FRMD3: variants seen among roughly 807,000 people sequenced by gnomAD.
The protein encoded by FRMD3 is FERM domain-containing protein 3.
In FRMD3, 33 loss-of-function variants were observed where a neutral mutation model predicts 70.2. The ratio of observed to expected loss-of-function variants is 0.47; its 90% CI spans 0.36 to 0.63. The LOEUF is 0.63. Ranked by LOEUF, FRMD3 falls within the 20% of genes least tolerant of loss-of-function variation. FRMD3 has a pLI of 0.00. For synonymous variants in FRMD3, 279 were observed against 255.9 expected (o/e 1.09, Z -0.86); for missense variants, 632 against 711.4 (o/e 0.89, Z 1.27).
chr9:83,244,959 G>A lies in FRMD3; in HGVS notation c.*2959C>T, dbSNP rs1255854796. 2 of 982,442 alleles carry A rather than the reference G, an allele frequency of 2.0e-6. No homozygotes were observed. The highest frequency in any genetic ancestry group is 2.4e-6 in the Non-Finnish European group (2 of 827,288). The allele number at this position is 982,442 out of a possible 1,614,324, so 60.9% of individuals were successfully genotyped here. ...TAAAGGCAATATTGTGTGTGTATAT[G>A]TATTTGCCATATGTGTGTGTGTATT... On this transcript the variant is annotated 3_prime_UTR_variant, in exon 14 of 14. Transcript: ENST00000304195.
chr9:83,496,478 A>G (rs1828945553), intron 1 of FRMD3, among the ~76,000 whole-genome samples: 1 of 152,220 alleles, frequency 6.6e-6, no homozygotes, highest in African/African-American at 2.4e-5. Flanking sequence ...GTTTTAAAAA[A>G]TCACCAAGGA....
At position 83,290,792 on chromosome 9, in the gene FRMD3, C is replaced by T. The variant is rs535444393; in HGVS notation, c.1071-65G>A. 1.3e-5 allele frequency: 20 copies of T among 1,529,286 alleles called. No homozygotes were observed. The East Asian group carries it at 2.5e-4, about 19-fold the overall frequency. The allele number at this position is 1,529,286 out of a possible 1,614,324, so 94.7% of individuals were successfully genotyped here. A position where few individuals can be genotyped will look rare whatever the true frequency, so the allele number is the denominator to read the frequency against. ...ACAAATGCTGGCCCCTCCATCTCAG[C>T]GGGCTGCCCAAGCTACCATTTTGTG... On this transcript the variant is annotated intron_variant, in intron 12 of 13. Coordinates refer to ENST00000304195, the MANE Select transcript of FRMD3 (RefSeq NM_174938.6).
At chr9:83,551,522 A>AT in the FRMD3 span, among the ~76,000 whole-genome samples, 12 of 152,172 alleles carry the variant, frequency 7.9e-5, 1 homozygote, top group South Asian at 2.5e-3. Flanking sequence ...CTCCTCCTCA[A>AT]TTTTTTGGAA....
chr9:83,428,467 G>A (rs1008768014), intron 1 of FRMD3, among the ~76,000 whole-genome samples: 2 of 151,714 alleles, frequency 1.3e-5, no homozygotes, highest in Non-Finnish European at 2.9e-5. Flanking sequence ...AGAATGGAAG[G>A]ATACTTCCAT....
intron 13 of FRMD3, among the ~76,000 whole-genome samples, chr9:83,265,395 T>TAAAAAA: frequency 1.3e-5 from 1 of 77,418 alleles, no homozygotes; most frequent in Non-Finnish European, 2.5e-5. Context: ...GCGAGACTCT[T>TAAAAAA]AAAAAAAAAA....
intron 1 of FRMD3, among the ~76,000 whole-genome samples, chr9:83,404,228 T>G (rs1246479944): frequency 6.6e-6 from 1 of 152,218 alleles, no homozygotes; most frequent in Non-Finnish European, 1.5e-5. Flanking sequence ...TTGGTTATAT[T>G]TACATCTCTT....
At chr9:83,534,416 A>C (rs1829849477) in intron 1 of FRMD3, among the ~76,000 whole-genome samples, 1 of 152,216 alleles carries the variant, frequency 6.6e-6, no homozygotes, top group African/African-American at 2.4e-5. Flanking sequence ...GATTTGGAAA[A>C]GGATTATTTA....
chr9:83,478,502 A>G (rs1204625959), intron 1 of FRMD3, among the ~76,000 whole-genome samples: 1 of 152,146 alleles, frequency 6.6e-6, no homozygotes, highest in Non-Finnish European at 1.5e-5. Flanking sequence ...CAACAGCCAA[A>G]AACTACAAGT....
chr9:83,267,040 G>C (rs1020077417), intron 13 of FRMD3: 56 of 1,550,862 alleles, frequency 3.6e-5, no homozygotes, highest in Admixed American at 5.9e-5. Flanking sequence ...CCTTGGAGCC[G>C]AGTCTCAGCA....
chr9:83,470,268 T>C (rs941873794), intron 1 of FRMD3, among the ~76,000 whole-genome samples: 1 of 152,144 alleles, frequency 6.6e-6, no homozygotes, highest in Non-Finnish European at 1.5e-5. Context: ...CCACTGCACT[T>C]ACTGAACTGA....
Position 83,402,759 on chromosome 9 carries a change from T to C in FRMD3, c.148-13051A>G, listed in dbSNP as rs116458965. Among the ~76,000 whole-genome samples, 890 of 152,150 alleles carry C rather than the reference T, an allele frequency of 5.8e-3. 10 individuals are homozygous for C. The highest frequency in any genetic ancestry group is 0.02 in the African/African-American group (845 of 41,520). On this transcript the variant is annotated intron_variant, in intron 1 of 13. Coordinates refer to ENST00000304195, the MANE Select transcript of FRMD3 (RefSeq NM_174938.6). ...AATACTTGAAAAGAAATTCAAATCTTCATTATTAGTTTTCAAGAAACATTA... is the reference window on the plus strand; with the variant it reads ...AATACTTGAAAAGAAATTCAAATCTCCATTATTAGTTTTCAAGAAACATTA...
In FRMD3 at chr9:83,454,780, C is replaced by G. The variant is rs149876101; in HGVS notation, c.148-65072G>C. On this transcript the variant is annotated intron_variant, in intron 1 of 13. Transcript: ENST00000304195. ...TTCAGTAGCTTGCAGGGCTTTTATG[C>G]CTGTCTATTCATCTTTGCAAACATT... 6.1e-3 allele frequency among the ~76,000 whole-genome samples: 933 copies of G among 152,260 alleles called. 13 individuals are homozygous for G. The highest frequency in any genetic ancestry group is 0.021 in the African/African-American group (872 of 41,540).
chr9:83,528,294 C>T (rs1172104414), intron 1 of FRMD3, among the ~76,000 whole-genome samples: 2 of 116,152 alleles, frequency 1.7e-5, no homozygotes, highest in Non-Finnish European at 3.8e-5. Flanking sequence ...AATATAAACG[C>T]AGACACACAC....
intron 5 of FRMD3, among the ~76,000 whole-genome samples, chr9:83,337,121 T>G (rs1488305323): frequency 6.6e-6 from 1 of 152,148 alleles, no homozygotes; most frequent in Non-Finnish European, 1.5e-5. Context: ...GCCTGTGCCT[T>G]CCTTTTGTGA....
chr9:83,549,694 T>C, the FRMD3 span, among the ~76,000 whole-genome samples: 12 of 152,216 alleles, frequency 7.9e-5, no homozygotes, highest in South Asian at 4.1e-4. Flanking sequence ...ATTTGTCAAA[T>C]GATCAGTGAT....
At chr9:83,477,795 T>C (rs902970011) in intron 1 of FRMD3, among the ~76,000 whole-genome samples, 6 of 152,064 alleles carry the variant, frequency 3.9e-5, no homozygotes, top group Non-Finnish European at 8.8e-5. Context: ...GGGCTTCCCA[T>C]CTCTGTTTTC....
intron 3 of FRMD3, among the ~76,000 whole-genome samples, chr9:83,351,374 G>A (rs541023303): frequency 1.5e-5 from 2 of 130,194 alleles, no homozygotes; most frequent in South Asian, 2.4e-4. Flanking sequence ...TTCATTCAAC[G>A]CCCTACTTCC....
At chr9:83,266,877 C>A in intron 13 of FRMD3, 1 of 892,524 alleles carries the variant, frequency 1.1e-6, no homozygotes. Flanking sequence ...TTCTCCCTTC[C>A]TCTCTCTCTT....
At chr9:83,410,045 G>C (rs1826236018) in intron 1 of FRMD3, among the ~76,000 whole-genome samples, 1 of 152,140 alleles carries the variant, frequency 6.6e-6, no homozygotes, top group Non-Finnish European at 1.5e-5. Context: ...CATCAGACAA[G>C]GGGCAAAATC....
Sources: allele counts gnomAD v4.1 joint callset (sites outside exome capture counted in the v4.1 genomes callset), GRCh38; gene constraint gnomAD v4.1.1; transcripts MANE v1.5; gene names NCBI Gene and HGNC (gene_info 2026-07-23, HGNC 2026-07-21).